SLC39A11: variants seen among roughly 807,000 people sequenced by gnomAD.
SLC39A11 encodes the protein zinc transporter ZIP11.
A neutral mutation model predicts 36.1 loss-of-function variants in SLC39A11; 33 were observed. That is an observed-to-expected ratio of 0.91 (90% CI 0.69 to 1.22). The LOEUF (loss-of-function observed/expected upper bound fraction) is 1.22. Ranked by LOEUF, SLC39A11 falls within the 50% of genes most tolerant of loss-of-function variation. The pLI is 0.00. For missense variants in SLC39A11, 432 were observed against 430.3 expected, an observed-to-expected ratio of 1.00 and a Z score of -0.03; for synonymous variants, 166 against 170.3, an observed-to-expected ratio of 0.97 and a Z score of 0.20.
intron 7 of SLC39A11, among the ~76,000 whole-genome samples, chr17:72,701,532 A>G (rs902685882): frequency 1.3e-5 from 2 of 152,156 alleles, no homozygotes; most frequent in African/African-American, 4.8e-5. Context: ...GTTCGAGACC[A>G]GCCTGGCCAA....
At chr17:73,078,940 T>TACACACAC (rs34182605) in intron 3 of SLC39A11, among the ~76,000 whole-genome samples, 2 of 151,216 alleles carry the variant, frequency 1.3e-5, no homozygotes, top group Admixed American at 6.6e-5. Flanking sequence ...TGTTACATTT[T>TACACACAC]ACACACACAC....
At chr17:72,831,129 AT>A (rs146986695) in intron 6 of SLC39A11, among the ~76,000 whole-genome samples, 8,804 of 149,034 alleles carry the variant, frequency 0.059, 814 homozygotes, top group African/African-American at 0.19. Flanking sequence ...GGATTCAGAG[AT>A]TTTTTTTTTT....
intron 7 of SLC39A11, among the ~76,000 whole-genome samples, chr17:72,716,620 T>C (rs1259014791): frequency 6.6e-6 from 1 of 151,592 alleles, no homozygotes; most frequent in Non-Finnish European, 1.5e-5. Context: ...AAATAGAAGT[T>C]ACCAAAGGGA....
At chr17:72,766,275 G>C (rs1380102606) in intron 6 of SLC39A11, among the ~76,000 whole-genome samples, 1 of 152,134 alleles carries the variant, frequency 6.6e-6, no homozygotes, top group African/African-American at 2.4e-5. Flanking sequence ...TTGTTAAGTT[G>C]CGCTATGGGT....
At chr17:73,018,638 A>G (rs6501594) in intron 4 of SLC39A11, among the ~76,000 whole-genome samples, 8,362 of 152,250 alleles carry the variant, frequency 0.055, 509 homozygotes, top group African/African-American at 0.14. Context: ...TGCAGTCCTC[A>G]GATAAAGGGT....
chr17:72,982,179 G>A (rs1395460227), intron 4 of SLC39A11, among the ~76,000 whole-genome samples: 1 of 152,062 alleles, frequency 6.6e-6, no homozygotes, highest in Non-Finnish European at 1.5e-5. Context: ...ACCCTATAGG[G>A]ATGGGGTATG....
intron 7 of SLC39A11, among the ~76,000 whole-genome samples, chr17:72,702,494 G>A (rs1307257561): frequency 1.3e-5 from 2 of 152,178 alleles, no homozygotes; most frequent in African/African-American, 2.4e-5. Flanking sequence ...ATGATCAACA[G>A]TGCCAAGTTC....
At chr17:72,988,505 A>C (rs893230501) in intron 4 of SLC39A11, among the ~76,000 whole-genome samples, 1 of 152,156 alleles carries the variant, frequency 6.6e-6, no homozygotes, top group Non-Finnish European at 1.5e-5. Flanking sequence ...TTAAGTTATT[A>C]CTGACTCTAG....
intron 5 of SLC39A11, among the ~76,000 whole-genome samples, chr17:72,909,920 T>C (rs981608813): frequency 2.6e-5 from 4 of 151,884 alleles, no homozygotes; most frequent in African/African-American, 9.7e-5. Flanking sequence ...TACTTTTTTT[T>C]TTTGTATTTT....
intron 4 of SLC39A11, among the ~76,000 whole-genome samples, chr17:73,023,973 C>T (rs937494732): frequency 6.6e-6 from 1 of 152,220 alleles, no homozygotes; most frequent in Non-Finnish European, 1.5e-5. Flanking sequence ...CCAACCCTGC[C>T]GGCACCTTAG....
rs879349280 is a variant in SLC39A11 at position 72,773,680 on chromosome 17, C to CACACACACACACACACACAT, written c.602-36962_602-36961insATGTGTGTGTGTGTGTGTGT. Among the ~76,000 whole-genome samples, 20 of 150,150 alleles carry CACACACACACACACACACAT rather than the reference C, an allele frequency of 1.3e-4. 2 individuals are homozygous for CACACACACACACACACACAT. The highest frequency in any genetic ancestry group is 4.9e-4 in the African/African-American group (20 of 40,646). ...ACACACACACACACACACACACACCCAGTATATAAAGGATATCAGTGTCAT... is the reference window on the plus strand; with the variant it reads ...ACACACACACACACACACACACACCCACACACACACACACACACATAGTATATAAAGGATATCAGTGTCAT... On this transcript the variant is annotated intron_variant, in intron 6 of 9. Coordinates refer to ENST00000255559, the MANE Select transcript of SLC39A11 (RefSeq NM_139177.4).
intron 7 of SLC39A11, among the ~76,000 whole-genome samples, chr17:72,701,727 C>CAAAAAAAAAAAAAA (rs57220008): frequency 2.3e-5 from 2 of 88,854 alleles, no homozygotes; most frequent in South Asian, 4.5e-4. Flanking sequence ...GATTCTGTCT[C>CAAAAAAAAAAAAAA]AAAAAAAAAA....
intron 7 of SLC39A11, among the ~76,000 whole-genome samples, chr17:72,732,040 CTTTTTTTTTTTTTTTT>C (rs764728558): frequency 3.0e-5 from 1 of 33,656 alleles, no homozygotes; most frequent in African/African-American, 1.2e-4. Flanking sequence ...CTTTTCTTTT[CTTTTTTTTTTTTTTTT>C]TTTTTTTTTT....
At chr17:72,717,294 G>T (rs1428634866) in intron 7 of SLC39A11, among the ~76,000 whole-genome samples, 1 of 152,110 alleles carries the variant, frequency 6.6e-6, no homozygotes, top group Non-Finnish European at 1.5e-5. Context: ...CGCCGATGGA[G>T]GTAGGGAGAC....
chr17:72,803,553 G>A (rs1326866692), intron 6 of SLC39A11, among the ~76,000 whole-genome samples: 1 of 152,152 alleles, frequency 6.6e-6, no homozygotes, highest in African/African-American at 2.4e-5. Flanking sequence ...CCCTCATGGC[G>A]TGAAGGATTT....
At chr17:72,994,751 T>TA (rs2089402997) in intron 4 of SLC39A11, among the ~76,000 whole-genome samples, 1 of 152,204 alleles carries the variant, frequency 6.6e-6, no homozygotes, top group South Asian at 2.1e-4. Context: ...CATTTAACTC[T>TA]AAATCATCTC....
intron 5 of SLC39A11, among the ~76,000 whole-genome samples, chr17:72,924,619 G>A (rs1454515057): frequency 6.6e-6 from 1 of 152,108 alleles, no homozygotes; most frequent in East Asian, 1.9e-4. Context: ...AAGCTACCAA[G>A]TCCCCAATGA....
intron 7 of SLC39A11, among the ~76,000 whole-genome samples, chr17:72,726,284 G>A (rs554870183): frequency 2.0e-5 from 3 of 152,200 alleles, no homozygotes; most frequent in African/African-American, 4.8e-5. Context: ...GTTTCCATGT[G>A]AGTTCTCCGA....
intron 7 of SLC39A11, among the ~76,000 whole-genome samples, chr17:72,727,338 T>A (rs574186983): frequency 6.6e-6 from 1 of 152,228 alleles, no homozygotes; most frequent in African/African-American, 2.4e-5. Context: ...AGAAAGAAAC[T>A]GCTATGGGAC....
Sources: allele counts gnomAD v4.1 joint callset (sites outside exome capture counted in the v4.1 genomes callset), GRCh38; gene constraint gnomAD v4.1.1; transcripts MANE v1.5; gene names NCBI Gene and HGNC (gene_info 2026-07-23, HGNC 2026-07-21).